Variants in SEC14L5 observed in about 807,000 individuals in gnomAD.
SEC14L5 encodes SEC14 like lipid binding 5.
Under a neutral mutation model 84.6 loss-of-function variants are expected in SEC14L5, and 96 were observed. The observed-to-expected ratio is 1.13, with a 90% CI of 0.96 to 1.34. The LOEUF (loss-of-function observed/expected upper bound fraction) is 1.34. SEC14L5 is among the 40% of genes most tolerant of loss of function. SEC14L5 has a pLI of 0.00. For missense variants in SEC14L5, 1,224 were observed against 942.5 expected, an observed-to-expected ratio of 1.30 and a Z score of -3.91; for synonymous variants, 546 against 383.4, an observed-to-expected ratio of 1.42 and a Z score of -4.95.
chr16:5,014,883 C>T lies in SEC14L5; in HGVS notation c.2004C>T (p.Ser668=), dbSNP rs1035362785. Residue 668 remains serine, a synonymous_variant, in exon 16 of 16, where the codon TCC becomes TCT. Coordinates refer to ENST00000251170, the MANE Select transcript of SEC14L5 (RefSeq NM_014692.2). ...DFRGSMSSLE[S]CTSGFSQLSA... ...GGGGCTCCATGTCCAGCCTGGAATC[C>T]TGCACCAGCGGCTTCTCCCAGCTCA... 3 of 1,613,790 alleles carry T rather than the reference C, an allele frequency of 1.9e-6. No homozygotes were observed.
intron 12 of SEC14L5, among the ~76,000 whole-genome samples, chr16:5,006,813 T>A (rs1271307831): frequency 1.3e-5 from 2 of 152,122 alleles, no homozygotes; most frequent in Non-Finnish European, 2.9e-5. Flanking sequence ...GTCCTGCTAA[T>A]CCCAGTGTTT....
chr16:4,979,573 G>A (rs953335884), intron 2 of SEC14L5, among the ~76,000 whole-genome samples: 3 of 152,056 alleles, frequency 2.0e-5, no homozygotes, highest in African/African-American at 7.3e-5. Flanking sequence ...GGCACCTTTT[G>A]GTCATCTGAA....
At chr16:4,978,032 C>T (rs946760556) in intron 2 of SEC14L5, among the ~76,000 whole-genome samples, 2 of 148,848 alleles carry the variant, frequency 1.3e-5, no homozygotes, top group East Asian at 4.0e-4. Flanking sequence ...GAACTCCTGG[C>T]CTCAAGTGAT....
At chr16:5,000,148 G>A (rs141382016) in intron 8 of SEC14L5, among the ~76,000 whole-genome samples, 196 of 151,768 alleles carry the variant, frequency 1.3e-3, no homozygotes, top group African/African-American at 4.6e-3. Context: ...AAAATTAGCC[G>A]GGTGCGGTGG....
Position 5,000,762 on chromosome 16 carries a change from TC to T in SEC14L5, c.1059+21del. 1 of 1,554,254 alleles carries T rather than the reference TC, an allele frequency of 6.4e-7. No homozygotes were observed. Among genetic ancestry groups the T allele is most frequent in the Non-Finnish European group, 8.7e-7 (1 of 1,148,402 alleles). On this transcript the variant is annotated intron_variant, in intron 9 of 15. Coordinates refer to ENST00000251170, the MANE Select transcript of SEC14L5 (RefSeq NM_014692.2). ...GCGGCATGTGAGTCAGGGGCCTCGT[TC>T]CTGGACGCCGTGCCTGGGGCCGGGC...
chr16:5,008,712 G>C, intron 14 of SEC14L5, 64 bp downstream of exon 14: 1 of 1,413,588 alleles, frequency 7.1e-7, no homozygotes, highest in Non-Finnish European at 9.9e-7. Context: ...TGCGTGCCAG[G>C]CTTCTGGGGA....
intron 15 of SEC14L5, among the ~76,000 whole-genome samples, 174 bp downstream of exon 15, chr16:5,011,447 G>T (rs1955802776): frequency 6.6e-6 from 1 of 152,208 alleles, no homozygotes; most frequent in South Asian, 2.1e-4. Flanking sequence ...TGTGAGGAGA[G>T]CCCAGCTCTG....
At chr16:4,963,529 A>G (rs368125691) in intron 2 of SEC14L5, among the ~76,000 whole-genome samples, 2 of 152,236 alleles carry the variant, frequency 1.3e-5, no homozygotes, top group Admixed American at 6.5e-5. Flanking sequence ...TATTTTTAGT[A>G]GAGACGGGGT....
intron 12 of SEC14L5, among the ~76,000 whole-genome samples, chr16:5,006,485 C>T (rs1045895730): frequency 6.6e-5 from 10 of 152,166 alleles, no homozygotes; most frequent in African/African-American, 2.4e-4. Context: ...CAGCCTGAAA[C>T]GATCAGGAAC....
intron 2 of SEC14L5, among the ~76,000 whole-genome samples, chr16:4,985,420 G>C (rs1377857347): frequency 6.6e-6 from 1 of 152,014 alleles, no homozygotes; most frequent in Non-Finnish European, 1.5e-5. Context: ...GAGAGACAGG[G>C]TTTCACCATG....
At chr16:4,996,503 T>C in intron 7 of SEC14L5, 43 bp downstream of exon 7, 1 of 1,035,082 alleles carries the variant, frequency 9.7e-7, no homozygotes, top group Non-Finnish European at 1.5e-6. Flanking sequence ...GAATGGGCAA[T>C]GACTGGTACT....
At position 5,001,500 on chromosome 16, in the gene SEC14L5, C is replaced by T. The variant is rs185454834; in HGVS notation, c.1130+575C>T. The stretch of plus-strand genomic sequence containing the variant: ...GGTCTCGGTCTCCTGACCTCGTGAT[C>T]CGCCTGCCTCGGCCTCCCAAAGTGC... On this transcript the variant is annotated intron_variant, in intron 10 of 15. Coordinates refer to ENST00000251170, the MANE Select transcript of SEC14L5 (RefSeq NM_014692.2). Among the ~76,000 whole-genome samples, 268 of 152,278 alleles carry T rather than the reference C, an allele frequency of 1.8e-3. 1 individual carries two copies. Among genetic ancestry groups the T allele is most frequent in the African/African-American group, 6.3e-3 (261 of 41,572 alleles).
chr16:4,991,594 C>A (rs921167023), intron 5 of SEC14L5, among the ~76,000 whole-genome samples: 3 of 151,888 alleles, frequency 2.0e-5, no homozygotes, highest in Non-Finnish European at 2.9e-5. Flanking sequence ...CAAAAACAAC[C>A]CCCAACCCAA....
At chr16:4,962,686 C>CCA (rs1555527597) in intron 2 of SEC14L5, among the ~76,000 whole-genome samples, 5 of 81,288 alleles carry the variant, frequency 6.2e-5, no homozygotes, top group African/African-American at 1.7e-4. Flanking sequence ...AACTCTGTCT[C>CCA]AAAAAAAAAA....
chr16:5,004,441 A>G (rs1169170711), intron 11 of SEC14L5, among the ~76,000 whole-genome samples: 1 of 152,114 alleles, frequency 6.6e-6, no homozygotes, highest in Non-Finnish European at 1.5e-5. Flanking sequence ...AGATGGTTCA[A>G]ATGAGGGGTG....
rs1245393189 is a variant in SEC14L5 at position 4,996,460 on chromosome 16, G to A, written c.780G>A (p.Lys260=). 1 of 1,532,914 alleles carries A rather than the reference G, an allele frequency of 6.5e-7. No individual in the cohort carries two copies. Among genetic ancestry groups the A allele is most frequent in the African/African-American group, 1.4e-5 (1 of 72,856 alleles). 95.0% of individuals were successfully genotyped at this position (1,532,914 alleles called of 1,614,324 possible). A position where few individuals can be genotyped will look rare whatever the true frequency, so the allele number is the denominator to read the frequency against. Reference sequence around the variant, plus strand: ...GGTTACAGGAGACCCACAAAGGCAAGGTGGGTGCAGGGGGTACCCTGGAGC... The same window carrying A: ...GGTTACAGGAGACCCACAAAGGCAAAGTGGGTGCAGGGGGTACCCTGGAGC... ...RHWLQETHKG[K]IPKDEHILRF... The change falls in exon 7 of 16, where the codon AAG becomes AAA. Residue 260 remains lysine (K), a splice_region_variant and synonymous_variant. Coordinates refer to ENST00000251170, the MANE Select transcript of SEC14L5 (RefSeq NM_014692.2).
intron 2 of SEC14L5, among the ~76,000 whole-genome samples, chr16:4,968,481 A>G (rs1955234419): frequency 6.6e-6 from 1 of 152,178 alleles, no homozygotes; most frequent in Admixed American, 6.5e-5. Flanking sequence ...GCCCGGCCGC[A>G]CCTGGCTAAT....
chr16:4,977,227 C>A (rs111496360), intron 2 of SEC14L5, among the ~76,000 whole-genome samples: 2 of 151,706 alleles, frequency 1.3e-5, no homozygotes, highest in African/African-American at 4.8e-5. Flanking sequence ...CAGGCAGATC[C>A]CTTGAGGTCA....
At position 4,992,022 on chromosome 16, in the gene SEC14L5, G is replaced by T. The variant is rs373411839; in HGVS notation, c.659G>T (p.Ser220Ile). 5 of 1,565,870 alleles carry T rather than the reference G, an allele frequency of 3.2e-6. No individual in the cohort carries two copies. Among genetic ancestry groups the T allele is most frequent in the African/African-American group, 1.3e-5 (1 of 74,160 alleles). Residue 220 changes from serine to isoleucine, a missense_variant, in exon 6 of 16, where the codon AGT becomes ATT. Ser to Ile is a moderately radical substitution (Grantham distance 142). Transcript: ENST00000251170. ...CTGGGGCCCGCTCTGGAGGCGGTCA[G>T]TATGGACGGTAGGTGGTACAGCCCA... ...STLGPALEAV[S>I]MDGDKLDADY...
Sources: gnomAD v4.1 joint callset for allele counts (sites outside exome capture counted in the v4.1 genomes callset) on GRCh38, gnomAD v4.1.1 for gene constraint, MANE v1.5 for transcripts, NCBI Gene and HGNC (gene_info 2026-07-23, HGNC 2026-07-21) for gene names.